CHST3: variants seen among roughly 807,000 people sequenced by gnomAD.
CHST3 encodes the protein carbohydrate sulfotransferase 3, also known as C6ST-1.
In CHST3, 20 loss-of-function variants were observed where a neutral mutation model predicts 35.4. The ratio of observed to expected loss-of-function variants is 0.57; its 90% CI spans 0.40 to 0.82. The LOEUF is 0.82. CHST3 is among the 40% of genes least tolerant of loss of function. The pLI is 0.00. For synonymous variants in CHST3, 334 were observed against 295.9 expected (o/e 1.13, Z -1.32); for missense variants, 693 against 670.1 (o/e 1.03, Z -0.38).
Position 71,984,724 on chromosome 10 carries a change from C to T in CHST3, c.-108+20030C>T, listed in dbSNP as rs189473257. ...GGTGACTATTATCCATAAGCATTAT[C>T]CAGGGTTCTTCCAAAGATTAAGTAC... is the stretch of plus-strand genomic sequence containing the variant. On this transcript the variant is annotated intron_variant, in intron 1 of 2. Coordinates refer to ENST00000373115, the MANE Select transcript of CHST3 (RefSeq NM_004273.5). 3.9e-5 allele frequency among the ~76,000 whole-genome samples: 6 copies of T among 152,348 alleles called. No individual in the cohort carries two copies. In the East Asian group the frequency reaches 1.2e-3, roughly 29 times the overall value.
intron 1 of CHST3, among the ~76,000 whole-genome samples, chr10:71,978,011 G>A (rs1839763645): frequency 6.6e-6 from 1 of 152,214 alleles, no homozygotes; most frequent in Non-Finnish European, 1.5e-5. Flanking sequence ...ACCTGCCTCT[G>A]TGCTTCTTCC....
Position 71,991,279 on chromosome 10 carries a change from C to T in CHST3, c.-107-14457C>T, listed in dbSNP as rs149706441. Reference sequence around the variant, plus strand: ...GCCAGTCGGTTCCCCAGAAATTCACCCACACAGTATATTCCAGGGCGTTTT... The same window carrying T: ...GCCAGTCGGTTCCCCAGAAATTCACTCACACAGTATATTCCAGGGCGTTTT... On this transcript the variant is annotated intron_variant, in intron 1 of 2. Transcript: ENST00000373115. 5.3e-5 allele frequency among the ~76,000 whole-genome samples: 8 copies of T among 152,282 alleles called. 1 individual carries two copies. Among genetic ancestry groups the T allele is most frequent in the Middle Eastern group, 6.8e-3 (2 of 294 alleles).
chr10:72,012,105 C>T lies in CHST3; in HGVS notation c.*3634C>T, dbSNP rs1217202862. 6.6e-6 allele frequency: 1 copy of T among 152,184 alleles called. No homozygotes were observed. The highest frequency in any genetic ancestry group is 1.5e-5 in the Non-Finnish European group (1 of 68,032). The allele number at this position is 152,184 out of a possible 1,614,324, so 9.4% of individuals were successfully genotyped here. A position where few individuals can be genotyped will look rare whatever the true frequency, so the allele number is the denominator to read the frequency against. Reference sequence around the variant, plus strand: ...AAGTTTACTTCCGGTCTGCTAGCACCCTCAGCCTGGGAGCTACTGCCAGAG... The same window carrying T: ...AAGTTTACTTCCGGTCTGCTAGCACTCTCAGCCTGGGAGCTACTGCCAGAG... On this transcript the variant is annotated 3_prime_UTR_variant, in exon 3 of 3. Coordinates refer to ENST00000373115, the MANE Select transcript of CHST3 (RefSeq NM_004273.5).
At chr10:72,004,651 C>G (rs1019966125) in intron 1 of CHST3, among the ~76,000 whole-genome samples, 2 of 152,188 alleles carry the variant, frequency 1.3e-5, no homozygotes, top group African/African-American at 4.8e-5. Context: ...GCCATTGTTA[C>G]CAGGCCTTGC....
chr10:71,975,794 C>T (rs369764158), intron 1 of CHST3, among the ~76,000 whole-genome samples: 2 of 152,264 alleles, frequency 1.3e-5, no homozygotes, highest in Non-Finnish European at 2.9e-5. Flanking sequence ...CTCCCGGTGC[C>T]GCCCTCAGTC....
intron 1 of CHST3, among the ~76,000 whole-genome samples, chr10:71,995,615 G>A (rs912454944): frequency 1.3e-5 from 2 of 152,114 alleles, no homozygotes; most frequent in African/African-American, 4.8e-5. Flanking sequence ...GGCCATGGCA[G>A]GGTTATTAAT....
intron 1 of CHST3, among the ~76,000 whole-genome samples, chr10:71,980,083 C>T (rs1839786177): frequency 6.6e-6 from 1 of 152,164 alleles, no homozygotes; most frequent in Non-Finnish European, 1.5e-5. Flanking sequence ...GCCTTCAAAA[C>T]CTCCCCATTC....
rs920685245 is a variant in CHST3 at position 71,996,957 on chromosome 10, A to G, written c.-107-8779A>G. ...TGTTTTTTTGAGACAGGGTCTCACT[A>G]TGTTGCTCAGGATGGTCTCAAACTC... On this transcript the variant is annotated intron_variant, in intron 1 of 2. Coordinates refer to ENST00000373115, the MANE Select transcript of CHST3 (RefSeq NM_004273.5). Among the ~76,000 whole-genome samples, 7 of 151,962 alleles carry G rather than the reference A, an allele frequency of 4.6e-5. No individual in the cohort carries two copies. In the South Asian group the frequency reaches 8.3e-4, roughly 18 times the overall value.
At chr10:71,970,248 C>T (rs1329716482) in intron 1 of CHST3, among the ~76,000 whole-genome samples, 2 of 152,118 alleles carry the variant, frequency 1.3e-5, no homozygotes, top group Non-Finnish European at 2.9e-5. Flanking sequence ...TCTTGATCCC[C>T]CTCACCCCCC....
At chr10:71,995,784 CACTT>C (rs1013609109) in intron 1 of CHST3, among the ~76,000 whole-genome samples, 10 of 152,234 alleles carry the variant, frequency 6.6e-5, no homozygotes, top group African/African-American at 1.7e-4. Context: ...CACCCCAAAA[CACTT>C]ACAATAGTAA....
At chr10:72,001,233 C>T (rs1284962837) in intron 1 of CHST3, among the ~76,000 whole-genome samples, 1 of 152,204 alleles carries the variant, frequency 6.6e-6, no homozygotes, top group Non-Finnish European at 1.5e-5. Flanking sequence ...GCCTCTTTTC[C>T]TGCCTCTGGT....
chr10:72,001,990 G>A (rs1458656607), intron 1 of CHST3, among the ~76,000 whole-genome samples: 2 of 152,170 alleles, frequency 1.3e-5, no homozygotes, highest in South Asian at 4.1e-4. Context: ...GGGCTTTGCT[G>A]AGTAACCCCC....
At chr10:71,990,523 C>G (rs1464029425) in intron 1 of CHST3, among the ~76,000 whole-genome samples, 1 of 152,138 alleles carries the variant, frequency 6.6e-6, no homozygotes, top group Non-Finnish European at 1.5e-5. Context: ...GCCTCCATGC[C>G]CAGCTAATTT....
chr10:71,983,257 T>A (rs1839817817), intron 1 of CHST3, among the ~76,000 whole-genome samples: 1 of 152,234 alleles, frequency 6.6e-6, no homozygotes, highest in South Asian at 2.1e-4. Context: ...AGATCTGACA[T>A]AATGCAGCAA....
intron 1 of CHST3, among the ~76,000 whole-genome samples, chr10:71,975,433 T>C (rs1195388396): frequency 6.6e-6 from 1 of 152,198 alleles, no homozygotes; most frequent in African/African-American, 2.4e-5. Context: ...ATCCAACATT[T>C]GCCCGATAAA....
intron 1 of CHST3, among the ~76,000 whole-genome samples, chr10:71,993,821 C>T (rs144025142): frequency 1.2e-4 from 18 of 151,916 alleles, no homozygotes; most frequent in South Asian, 8.3e-4. Context: ...GCCAGGAGGC[C>T]GGGTGCAGTG....
intron 1 of CHST3, among the ~76,000 whole-genome samples, chr10:71,981,615 C>G (rs1030059509): frequency 6.6e-6 from 1 of 152,228 alleles, no homozygotes; most frequent in African/African-American, 2.4e-5. Flanking sequence ...GCCCACAGAA[C>G]CTCATTCTTC....
Position 72,007,673 on chromosome 10 carries a change from C to A in CHST3, c.642C>A (p.His214Gln). The change falls in exon 3 of 3, where the codon CAC (histidine) becomes CAA (glutamine). Residue 214 changes from histidine (H) to glutamine (Q), a missense_variant. His to Gln is a conservative substitution (Grantham distance 24). Transcript: ENST00000373115. ...TCATCACGCCGCTGCCCGAGGACCA[C>A]CTGACTCAGTTCATGTTCCGCCGGG... ...EHFITPLPEDHLTQFMFRRGS... is the reference protein window; with the variant it reads ...EHFITPLPEDQLTQFMFRRGS... The A allele has an allele frequency of 6.2e-7, 1 of 1,609,196 alleles. No homozygotes were observed.
chr10:71,986,118 C>T (rs1839845106), intron 1 of CHST3, among the ~76,000 whole-genome samples: 1 of 152,194 alleles, frequency 6.6e-6, no homozygotes, highest in African/African-American at 2.4e-5. Flanking sequence ...GCATCCCTCC[C>T]TGGTTAGCAA....
Sources: allele counts gnomAD v4.1 joint callset (sites outside exome capture counted in the v4.1 genomes callset), GRCh38; gene constraint gnomAD v4.1.1; transcripts MANE v1.5; gene names NCBI Gene and HGNC (gene_info 2026-07-23, HGNC 2026-07-21).